The following ESAM variants were observed in gnomAD, a reference collection of about 807,000 sequenced individuals.
ESAM encodes endothelial cell adhesion molecule.
In ESAM, 23 loss-of-function variants were observed where a neutral mutation model predicts 31.8. The ratio of observed to expected loss-of-function variants is 0.72; its 90% CI spans 0.52 to 1.03. ESAM has a LOEUF of 1.03. Among genes scored for constraint, ESAM ranks in the 50% least tolerant of loss-of-function variants. The probability of loss-of-function intolerance (pLI) is 0.00; values close to 1 mark genes in which losing one functional copy is unlikely to be tolerated. For missense variants in ESAM, 478 were observed against 488.9 expected, an observed-to-expected ratio of 0.98 and a Z score of 0.21; for synonymous variants, 216 against 207.2, an observed-to-expected ratio of 1.04 and a Z score of -0.37.
chr11:124,753,658 G>A lies in ESAM; in HGVS notation c.1161C>T (p.Gly387=), dbSNP rs1424793065. 1 of 1,613,702 alleles carries A rather than the reference G, an allele frequency of 6.2e-7. No individual in the cohort carries two copies. Among genetic ancestry groups the A allele is most frequent in the South Asian group, 1.1e-5 (1 of 91,088 alleles). ...AGTGGTGGGGTCATCATACCAGAGA[G>A]CCAGCTTGACTCTGGGCAGGCACCA... is the stretch of plus-strand genomic sequence containing the variant. ...PVMVPAQSQA[G]SLV The change falls in exon 7 of 7, where the codon GGC becomes GGT. Residue 387 remains glycine, a synonymous_variant. Coordinates refer to ENST00000278927, the MANE Select transcript of ESAM (RefSeq NM_138961.3).
chr11:124,754,260 A>C lies in ESAM; in HGVS notation c.811T>G (p.Tyr271Asp), dbSNP rs1317491928. The C allele has an allele frequency of 6.2e-7, 1 of 1,613,832 alleles. No homozygotes were observed. The highest frequency in any genetic ancestry group is 1.3e-5 in the African/African-American group (1 of 74,868). ...TCCAGGGCCTTGCCCCGGCGGTGGT[A>C]CAAGAGGACCAGCCCAGCCAGCAAC... Reference protein sequence around the residue: ...LGLLAGLVLLYHRRGKALEEP... With the variant: ...LGLLAGLVLLDHRRGKALEEP... Residue 271 changes from tyrosine to aspartate, a missense_variant, in exon 6 of 7, where the codon TAC becomes GAC. Tyr to Asp is a radical substitution (Grantham distance 160). Coordinates refer to ENST00000278927, the MANE Select transcript of ESAM (RefSeq NM_138961.3). The surrounding 1 kb of genome is among the most constrained non-coding windows in gnomAD (Gnocchi z 4.5).
chr11:124,753,381 T>C lies in ESAM; in HGVS notation c.*265A>G, dbSNP rs574154946. ...GTCTCTGCCCCTCACTCTTGGTGAG[T>C]AGCTAATTTCAGCAGCTGGCTTCAT... On this transcript the variant is annotated 3_prime_UTR_variant, in exon 7 of 7. Coordinates refer to ENST00000278927, the MANE Select transcript of ESAM (RefSeq NM_138961.3). The C allele has an allele frequency of 4.2e-5, 20 of 471,326 alleles. No individual in the cohort carries two copies. The South Asian group carries it at 4.4e-4, about 10-fold the overall frequency. 29.2% of individuals were successfully genotyped at this position (471,326 alleles called of 1,614,324 possible).
chr11:124,758,319 G>GCC, intron 2 of ESAM, 30 bp downstream of exon 2: 1 of 1,613,226 alleles, frequency 6.2e-7, no homozygotes, highest in Non-Finnish European at 8.5e-7. Flanking sequence ...GGCGCAACTT[G>GCC]CCGCTGGCTG....
chr11:124,753,524 TG>T lies in ESAM; in HGVS notation c.*121del, dbSNP rs1565440891. 3.9e-6 allele frequency: 4 copies of T among 1,032,076 alleles called. No homozygotes were observed. Among genetic ancestry groups the T allele is most frequent in the Non-Finnish European group, 5.6e-6 (4 of 714,600 alleles). The allele number at this position is 1,032,076 out of a possible 1,614,324, so 63.9% of individuals were successfully genotyped here. ...ATGGTTTTCCCACAGTAAAGAGAGG[TG>T]GGGGCAGAGTACTAAGGGTCAGGAG... On this transcript the variant is annotated 3_prime_UTR_variant, in exon 7 of 7. Coordinates refer to ENST00000278927, the MANE Select transcript of ESAM (RefSeq NM_138961.3).
At chr11:124,755,902 C>T (rs997973984) in intron 4 of ESAM, among the ~76,000 whole-genome samples, 3 of 152,056 alleles carry the variant, frequency 2.0e-5, no homozygotes, top group Admixed American at 1.3e-4. Context: ...GTGTAAAATC[C>T]GCATTTTACA....
In ESAM at chr11:124,754,620, C is replaced by T. The variant is rs780958559; in HGVS notation, c.730+21G>A. 1 of 1,603,566 alleles carries T rather than the reference C, an allele frequency of 6.2e-7. No homozygotes were observed. Among genetic ancestry groups the T allele is most frequent in the Non-Finnish European group, 8.5e-7 (1 of 1,174,930 alleles). ...CCCCACCATTGACCACTCTTCTTAA[C>T]CACACTTACCCCTCACTGACCTGTG... On this transcript the variant is annotated intron_variant, in intron 5 of 6. Transcript: ENST00000278927. This position sits in a 1 kb window ranked among gnomAD's most constrained non-coding sequence, Gnocchi z 4.5.
rs1944126018 is a variant in ESAM, at chr11:124,754,085, A to G, written c.858-124T>C. 1.2e-5 allele frequency: 19 copies of G among 1,552,652 alleles called. No individual in the cohort carries two copies. The South Asian group carries it at 2.3e-4, about 19-fold the overall frequency. The stretch of plus-strand genomic sequence containing the variant: ...TTCAGTACTCCTTTCCCTCTCCCTT[A>G]AAACCTGCCCATAGGAATGATGTTT... On this transcript the variant is annotated intron_variant, in intron 6 of 6. Transcript: ENST00000278927. The surrounding 1 kb of genome is among the most constrained non-coding windows in gnomAD (Gnocchi z 4.5).
Position 124,759,957 on chromosome 11 carries a change from CCTT to C in ESAM, c.71-1433_71-1431del, listed in dbSNP as rs1565443037. Among the ~76,000 whole-genome samples the C allele has an allele frequency of 2.0e-5, 3 of 152,250 alleles. No homozygotes were observed. The highest frequency in any genetic ancestry group is 1.5e-5 in the Non-Finnish European group (1 of 68,050). Reference sequence around the variant, plus strand: ...GCAGGTGCTGCCGGCTCTCCCCCAGCCTTTCTACGACACACACCCGGCGGCCAG... The same window carrying C: ...GCAGGTGCTGCCGGCTCTCCCCCAGCTCTACGACACACACCCGGCGGCCAG... On this transcript the variant is annotated intron_variant, in intron 1 of 6. Transcript: ENST00000278927. This position sits in a 1 kb window ranked among gnomAD's most constrained non-coding sequence, Gnocchi z 6.8.
chr11:124,754,809 T>TAAAA lies in ESAM; in HGVS notation c.608-50_608-47dup. The TAAAA allele has an allele frequency of 7.1e-7, 1 of 1,403,064 alleles. No individual in the cohort carries two copies. Among genetic ancestry groups the TAAAA allele is most frequent in the Non-Finnish European group, 9.5e-7 (1 of 1,048,354 alleles). 86.9% of individuals were successfully genotyped at this position (1,403,064 alleles called of 1,614,324 possible). A position where few individuals can be genotyped will look rare whatever the true frequency, so the allele number is the denominator to read the frequency against. On this transcript the variant is annotated intron_variant, in intron 4 of 6. Transcript: ENST00000278927. The surrounding 1 kb of genome is among the most constrained non-coding windows in gnomAD (Gnocchi z 4.5). The stretch of plus-strand genomic sequence containing the variant: ...TCAGTCCAGGGACCCTCTTTCCCAT[T>TAAAA]AAAAAAAAAAAAAAATCTTGTCCCT...
intron 2 of ESAM, 52 bp from the exon 3 acceptor site, chr11:124,756,794 C>T (rs771115793): frequency 1.3e-6 from 2 of 1,544,516 alleles, no homozygotes; most frequent in Non-Finnish European, 1.7e-6. Context: ...TCTACTGTGC[C>T]TACAGGCTCA....
intron 4 of ESAM, among the ~76,000 whole-genome samples, chr11:124,755,144 G>C (rs147051507): frequency 3.3e-5 from 5 of 152,318 alleles, no homozygotes; most frequent in African/African-American, 9.6e-5. Flanking sequence ...CTTTAAGCAA[G>C]TTAGTTGATA....
At position 124,754,248 on chromosome 11, in the gene ESAM, C is replaced by T. The variant is rs115553730; in HGVS notation, c.823G>A (p.Gly275Ser). The stretch of plus-strand genomic sequence containing the variant: ...TTGGCTGGCTCCTCCAGGGCCTTGC[C>T]CCGGCGGTGGTACAAGAGGACCAGC... The part of the protein sequence containing the change: ...AGLVLLYHRR[G>S]KALEEPANDI... The change falls in exon 6 of 7, where the codon GGC becomes AGC. Residue 275 changes from glycine to serine, a missense_variant. Gly to Ser is a moderately conservative substitution (Grantham distance 56, BLOSUM62 0). Transcript: ENST00000278927. This position sits in a 1 kb window ranked among gnomAD's most constrained non-coding sequence, Gnocchi z 4.5. 3 of 1,614,018 alleles carry T rather than the reference C, an allele frequency of 1.9e-6. No individual in the cohort carries two copies. The highest frequency in any genetic ancestry group is 2.7e-5 in the African/African-American group (2 of 75,010).
Position 124,754,439 on chromosome 11 carries a change from C to T in ESAM, c.731-99G>A, listed in dbSNP as rs1944130888. 1.3e-6 allele frequency: 2 copies of T among 1,518,968 alleles called. No homozygotes were observed. The highest frequency in any genetic ancestry group is 1.4e-5 in the African/African-American group (1 of 72,268). 94.1% of individuals were successfully genotyped at this position (1,518,968 alleles called of 1,614,324 possible). On this transcript the variant is annotated intron_variant, in intron 5 of 6. Transcript: ENST00000278927. This position sits in a 1 kb window ranked among gnomAD's most constrained non-coding sequence, Gnocchi z 4.5. Reference sequence around the variant, plus strand: ...ACCCCATCTGCCACCATACACATTCCCTCTTTTTCCCTGTCAAGAAGAGGG... The same window carrying T: ...ACCCCATCTGCCACCATACACATTCTCTCTTTTTCCCTGTCAAGAAGAGGG...
Position 124,756,679 on chromosome 11 carries a change from G to A in ESAM, c.313C>T (p.Pro105Ser), listed in dbSNP as rs369271235. Residue 105 changes from proline to serine, a missense_variant, in exon 3 of 7, where the codon CCC (proline) becomes TCC (serine). Transcript: ENST00000278927. ...KPGVSLVYSM[P>S]SRNLSLRLEG... ...AGCCGCAGGGACAGGTTCCGGGAGG[G>A]CATGGAGTAGACCAAGGATACTCCA... The A allele has an allele frequency of 8.9e-5, 143 of 1,614,202 alleles. No individual in the cohort carries two copies. In the East Asian group the frequency reaches 2.6e-3, roughly 29 times the overall value.
At chr11:124,757,715 T>TG (rs1944173176) in intron 2 of ESAM, among the ~76,000 whole-genome samples, 1 of 144,922 alleles carries the variant, frequency 6.9e-6, no homozygotes, top group African/African-American at 2.8e-5. Flanking sequence ...TTTTTTTTTT[T>TG]GAGACAGAGT....
In ESAM at chr11:124,754,561, A is replaced by G; in HGVS notation, c.730+80T>C. 1 of 1,551,680 alleles carries G rather than the reference A, an allele frequency of 6.4e-7. No homozygotes were observed. The highest frequency in any genetic ancestry group is 8.7e-7 in the Non-Finnish European group (1 of 1,146,396). ...GTGCCCTGCTACAGAGACAGGCCTC[A>G]GCAGACAGGCCTCCTCCCCACTTGC... On this transcript the variant is annotated intron_variant, in intron 5 of 6. Transcript: ENST00000278927. This position sits in a 1 kb window ranked among gnomAD's most constrained non-coding sequence, Gnocchi z 4.5.
chr11:124,756,253 C>T lies in ESAM; in HGVS notation c.561G>A (p.Trp187Ter). The change falls in exon 4 of 7, where the codon TGG becomes TGA. Residue 187 changes from tryptophan to a stop codon, truncating the protein, a stop_gained. Transcript: ENST00000278927. LOFTEE classifies it high-confidence loss of function. Reference protein sequence around the residue: ...PRSKPAVQYQWDRQLPSFQTF... With the variant: ...PRSKPAVQYQ ...TCTGGAAGGATGGAAGCTGCCGATCCCACTGGTATTGGACAGCGGGCTTAC... is the reference window on the plus strand; with the variant it reads ...TCTGGAAGGATGGAAGCTGCCGATCTCACTGGTATTGGACAGCGGGCTTAC... 6.2e-7 allele frequency: 1 copy of T among 1,614,156 alleles called. No individual in the cohort carries two copies. The highest frequency in any genetic ancestry group is 8.5e-7 in the Non-Finnish European group (1 of 1,180,036).
In ESAM at chr11:124,756,818, C is replaced by T. The variant is rs753365388; in HGVS notation, c.250-76G>A. On this transcript the variant is annotated intron_variant, in intron 2 of 6. Transcript: ENST00000278927. The stretch of plus-strand genomic sequence containing the variant: ...CCTACAGGCTCAGCCACTCTCCCTC[C>T]CCCAGCTCGCATTCTCCAAATGCCC... The T allele has an allele frequency of 5.4e-6, 8 of 1,475,624 alleles. No homozygotes were observed. In the African/African-American group the frequency reaches 9.7e-5, roughly 18 times the overall value. The allele number at this position is 1,475,624 out of a possible 1,614,324, so 91.4% of individuals were successfully genotyped here. A position where few individuals can be genotyped will look rare whatever the true frequency, so the allele number is the denominator to read the frequency against.
At position 124,759,701 on chromosome 11, in the gene ESAM, A is replaced by T. The variant is rs1944204419; in HGVS notation, c.71-1174T>A. On this transcript the variant is annotated intron_variant, in intron 1 of 6. Transcript: ENST00000278927. This position sits in a 1 kb window ranked among gnomAD's most constrained non-coding sequence, Gnocchi z 6.8. ...CCGCTTCCCGGCTGCGCCGTACAGA[A>T]CCCCCACCTCTGTTACTTGGCCTTC... Among the ~76,000 whole-genome samples, 1 of 151,916 alleles carries T rather than the reference A, an allele frequency of 6.6e-6. No individual in the cohort carries two copies. The highest frequency in any genetic ancestry group is 1.5e-5 in the Non-Finnish European group (1 of 67,952).
Sources: gnomAD v4.1 joint callset for allele counts (sites outside exome capture counted in the v4.1 genomes callset) on GRCh38, gnomAD v4.1.1 for gene constraint, Gnocchi (gnomAD v3.1) non-coding constraint, MANE v1.5 for transcripts, NCBI Gene and HGNC (gene_info 2026-07-23, HGNC 2026-07-21) for gene names.